The following CPB1 variants were observed in gnomAD, a reference collection of about 807,000 sequenced individuals.
CPB1 encodes carboxypeptidase B.
A neutral mutation model predicts 51.4 loss-of-function variants in CPB1; 53 were observed. The observed-to-expected ratio is 1.03, with a 90% CI of 0.83 to 1.30. The LOEUF is 1.30. Among genes scored for constraint, CPB1 ranks in the 50% most tolerant of loss-of-function variants. The pLI is 0.00. For missense variants in CPB1, 494 were observed against 516.2 expected (o/e 0.96, Z 0.42); for synonymous variants, 189 against 186.9 (o/e 1.01, Z -0.09).
chr3:148,828,004 A>G lies in CPB1; in HGVS notation c.74A>G (p.Glu25Gly). ...GCTTCTATTATCTCATTATTCAGCG[A>G]GAAGGTGTTCCGTGTTAACGTTGAA... Reference protein sequence around the residue: ...AHHGGEHFEGEKVFRVNVEDE... With the variant: ...AHHGGEHFEGGKVFRVNVEDE... The change falls in exon 2 of 11, where the codon GAG becomes GGG. Residue 25 changes from glutamate (E) to glycine (G), a missense_variant and splice_region_variant. Physicochemically the swap from Glu to Gly is moderately conservative, Grantham distance 98. Coordinates refer to ENST00000282957, the MANE Select transcript of CPB1 (RefSeq NM_001871.3). 6.2e-7 allele frequency: 1 copy of G among 1,614,044 alleles called. No individual in the cohort carries two copies. The highest frequency in any genetic ancestry group is 8.5e-7 in the Non-Finnish European group (1 of 1,179,928).
At chr3:148,844,885 T>C (rs4681450) in intron 8 of CPB1, 118 bp downstream of exon 8, 8,916 of 888,562 alleles carry the variant, frequency 0.01, 75 homozygotes, top group Non-Finnish European at 0.013. Context: ...AGTTCTAACC[T>C]TCTAAAAGCA....
chr3:148,830,276 T>C (rs1712693276), intron 2 of CPB1, among the ~76,000 whole-genome samples: 1 of 152,214 alleles, frequency 6.6e-6, no homozygotes, highest in Admixed American at 6.5e-5. Context: ...CCAAGATTGC[T>C]GAGAAAGTTC....
At chr3:148,832,532 A>G (rs1383273392) in intron 2 of CPB1, among the ~76,000 whole-genome samples, 1 of 152,198 alleles carries the variant, frequency 6.6e-6, no homozygotes. Context: ...GCTAAATAGA[A>G]GTAAAGGCAG....
intron 9 of CPB1, chr3:148,855,323 A>T (rs951491388): frequency 6.6e-6 from 1 of 152,178 alleles, no homozygotes; most frequent in African/African-American, 2.4e-5. Context: ...AGCTCACATC[A>T]ACCTCAGATA....
At chr3:148,842,151 C>T (rs1713104374) in intron 6 of CPB1, among the ~76,000 whole-genome samples, 2 of 151,878 alleles carry the variant, frequency 1.3e-5, no homozygotes, top group South Asian at 2.1e-4. Flanking sequence ...TTTGGGAGGC[C>T]AAAACAGGTG....
intron 3 of CPB1, among the ~76,000 whole-genome samples, chr3:148,839,408 G>A (rs1041237430): frequency 2.7e-4 from 41 of 152,178 alleles, no homozygotes; most frequent in Non-Finnish European, 1.2e-4. Flanking sequence ...CACTAAGTCT[G>A]TGGCAACTGA....
intron 9 of CPB1, 88 bp from the exon 10 acceptor site, chr3:148,857,369 C>T (rs2331407): frequency 0.55 from 547,077 of 992,504 alleles, 154,046 homozygotes; most frequent in Middle Eastern, 0.7. Context: ...TACTTACATG[C>T]TTTGAATGCC....
chr3:148,847,625 A>G (rs1200712800), intron 9 of CPB1, among the ~76,000 whole-genome samples: 1 of 152,158 alleles, frequency 6.6e-6, no homozygotes, highest in Non-Finnish European at 1.5e-5. Context: ...AAGAGATACT[A>G]TTCAAAATCC....
In CPB1 at chr3:148,848,453, G is replaced by A. The variant is rs191617137; in HGVS notation, c.981+2827G>A. Among the ~76,000 whole-genome samples, 15 of 152,146 alleles carry A rather than the reference G, an allele frequency of 9.9e-5. No homozygotes were observed. In the East Asian group the frequency reaches 1.9e-3, roughly 20 times the overall value. On this transcript the variant is annotated intron_variant, in intron 9 of 10. Transcript: ENST00000282957. ...AAAGGAAACAATGAGGACTTACAGC[G>A]TTCTGCCAAGTCATTGGTGTACAAG...
In CPB1 at chr3:148,840,891, A is replaced by G; in HGVS notation, c.390A>G (p.Gln130=). The G allele has an allele frequency of 2.5e-6, 4 of 1,614,194 alleles. 1 individual carries two copies. The highest frequency in any genetic ancestry group is 2.2e-5 in the South Asian group (2 of 91,082). Residue 130 remains glutamine, a synonymous_variant, in exon 5 of 11, where the codon CAA becomes CAG. Coordinates refer to ENST00000282957, the MANE Select transcript of CPB1 (RefSeq NM_001871.3). ...TTTGGTAGATAGAGGCTTGGACTCA[A>G]CAAGTCGCCACTGAGAATCCAGCCC... ...NKWETIEAWT[Q]QVATENPALI...
intron 9 of CPB1, 35 bp from the exon 10 acceptor site, chr3:148,857,421 TA>T (rs753728364): frequency 1.3e-6 from 2 of 1,538,900 alleles, no homozygotes; most frequent in Non-Finnish European, 1.8e-6. Flanking sequence ...AGTGTGCTTT[TA>T]TTTATTTCCT....
intron 9 of CPB1, among the ~76,000 whole-genome samples, chr3:148,846,797 G>GTGTATGTATATATA (rs1364486523): frequency 3.6e-4 from 18 of 50,510 alleles, no homozygotes; most frequent in African/African-American, 5.1e-4. Flanking sequence ...GTGTGCGTGT[G>GTGTATGTATATATA]TATATATATA....
Position 148,827,839 on chromosome 3 carries a change from G to A in CPB1, c.16G>A (p.Val6Ile), listed in dbSNP as rs761133560. The change falls in exon 1 of 11, where the codon GTT becomes ATT. Residue 6 changes from valine to isoleucine, a missense_variant. By Grantham distance (29) the Val-to-Ile change is conservative. Transcript: ENST00000282957. MLALL[V>I]LVTVALASAH... ...GTCAGACACAATGTTGGCACTCTTG[G>A]TTCTGGTGACTGTGGCCCTGGCATC... The A allele has an allele frequency of 1.2e-6, 2 of 1,614,166 alleles. No individual in the cohort carries two copies. The highest frequency in any genetic ancestry group is 2.2e-5 in the South Asian group (2 of 91,086).
At chr3:148,848,033 C>G (rs1388749584) in intron 9 of CPB1, among the ~76,000 whole-genome samples, 1 of 152,086 alleles carries the variant, frequency 6.6e-6, no homozygotes, top group African/African-American at 2.4e-5. Flanking sequence ...CATTTGGTGT[C>G]TGAATTTAGT....
chr3:148,841,801 C>A, intron 5 of CPB1, 22 bp from the exon 6 acceptor site: 1 of 1,602,592 alleles, frequency 6.2e-7, no homozygotes, highest in South Asian at 1.1e-5. Context: ...CATGGTTTCC[C>A]TTTTCCTTTT....
chr3:148,835,155 T>C (rs148279184), intron 3 of CPB1, among the ~76,000 whole-genome samples: 5 of 152,002 alleles, frequency 3.3e-5, no homozygotes, highest in East Asian at 1.9e-4. Flanking sequence ...AGGACTAGAG[T>C]AGTTGGCTAA....
At chr3:148,855,885 TATC>T (rs1403016518) in intron 9 of CPB1, 1 of 152,170 alleles carries the variant, frequency 6.6e-6, no homozygotes, top group African/African-American at 2.4e-5. Flanking sequence ...TGGTAGAAAA[TATC>T]ATGTTTACCT....
intron 8 of CPB1, 47 bp from the exon 9 acceptor site, chr3:148,845,377 G>A (rs756450461): frequency 1.9e-6 from 3 of 1,564,170 alleles, no homozygotes; most frequent in Admixed American, 3.4e-5. Flanking sequence ...ATCCCCACAA[G>A]AACTTCACTA....
intron 9 of CPB1, chr3:148,856,704 C>T (rs1341719422): frequency 6.6e-6 from 1 of 152,154 alleles, no homozygotes; most frequent in Non-Finnish European, 1.5e-5. Flanking sequence ...CGCAGAGAGC[C>T]TTTCCCTAGG....
Sources: gnomAD v4.1 joint callset for allele counts (sites outside exome capture counted in the v4.1 genomes callset) on GRCh38, gnomAD v4.1.1 for gene constraint, MANE v1.5 for transcripts, NCBI Gene and HGNC (gene_info 2026-07-23, HGNC 2026-07-21) for gene names.